The following ATP8A2 variants were observed in gnomAD, a reference collection of about 807,000 sequenced individuals.
The protein encoded by ATP8A2 is ATPase phospholipid transporting 8A2, also known as phospholipid-transporting ATPase IB.
ATP8A2 carries 100 observed loss-of-function variants against 165.6 expected under a neutral mutation model. The ratio of observed to expected loss-of-function variants is 0.60; its 90% CI spans 0.51 to 0.71. The LOEUF is 0.71. ATP8A2 is among the 30% of genes least tolerant of loss of function. ATP8A2 has a pLI of 0.00. For missense variants in ATP8A2, 1,227 were observed against 1,479.5 expected (o/e 0.83, Z 2.80); for synonymous variants, 543 against 548.8 (o/e 0.99, Z 0.15).
intron 33 of ATP8A2, among the ~76,000 whole-genome samples, chr13:25,941,243 G>A (rs1181775077): frequency 6.6e-6 from 1 of 152,082 alleles, no homozygotes; most frequent in African/African-American, 2.4e-5. Flanking sequence ...CTCCTCCTAT[G>A]CCTCCCAGAT....
At chr13:25,994,749 T>C (rs1047581407) in intron 35 of ATP8A2, among the ~76,000 whole-genome samples, 4 of 152,148 alleles carry the variant, frequency 2.6e-5, no homozygotes, top group African/African-American at 9.7e-5. Context: ...GTTGTGTAAT[T>C]CTTGTTATAT....
chr13:25,954,816 G>C (rs920384927), intron 33 of ATP8A2, among the ~76,000 whole-genome samples: 3 of 152,190 alleles, frequency 2.0e-5, no homozygotes, highest in African/African-American at 7.2e-5. Context: ...CAACAAAAAG[G>C]ATGTCCACTC....
chr13:25,376,249 T>G (rs2032621381), intron 1 of ATP8A2, among the ~76,000 whole-genome samples: 1 of 152,236 alleles, frequency 6.6e-6, no homozygotes, highest in African/African-American at 2.4e-5. Context: ...CAGAATACGC[T>G]CATTGATTCT....
chr13:25,797,033 T>G (rs375857470), intron 27 of ATP8A2, among the ~76,000 whole-genome samples: 1 of 152,158 alleles, frequency 6.6e-6, no homozygotes, highest in African/African-American at 2.4e-5. Flanking sequence ...TTTGGGAGGC[T>G]GAGGCGGGCA....
chr13:25,450,312 A>C (rs530738273), intron 1 of ATP8A2, among the ~76,000 whole-genome samples: 9 of 152,324 alleles, frequency 5.9e-5, no homozygotes, highest in African/African-American at 1.7e-4. Context: ...TAATAAAATG[A>C]TATAAATTCC....
intron 1 of ATP8A2, among the ~76,000 whole-genome samples, chr13:25,465,715 C>CTTT (rs553219083): frequency 2.4e-5 from 1 of 42,292 alleles, no homozygotes; most frequent in African/African-American, 9.2e-5. Flanking sequence ...TTCTTTCTTT[C>CTTT]TTTCTTTCTT....
At chr13:25,424,621 C>T (rs1289970260) in intron 1 of ATP8A2, among the ~76,000 whole-genome samples, 6 of 152,164 alleles carry the variant, frequency 3.9e-5, no homozygotes, top group East Asian at 1.9e-4. Context: ...TAAAACACTC[C>T]GCCAAACTTC....
Position 25,943,692 on chromosome 13 carries a change from C to T in ATP8A2, c.3184-17883C>T, listed in dbSNP as rs143748239. Among the ~76,000 whole-genome samples, 223 of 152,294 alleles carry T rather than the reference C, an allele frequency of 1.5e-3. 1 individual carries two copies. The highest frequency in any genetic ancestry group is 5.1e-3 in the African/African-American group (213 of 41,570). On this transcript the variant is annotated intron_variant, in intron 33 of 36. Coordinates refer to ENST00000381655, the MANE Select transcript of ATP8A2 (RefSeq NM_016529.6). ...GATCTCTGCCTGTATGATTTGAAAA[C>T]GAATGTTATTTTCGCTTCATAGATC...
At chr13:25,791,538 C>CAT (rs60333380) in intron 27 of ATP8A2, among the ~76,000 whole-genome samples, 18,204 of 124,380 alleles carry the variant, frequency 0.15, 1,189 homozygotes, top group Admixed American at 0.19. Flanking sequence ...AACACACACA[C>CAT]ACATACACAC....
At chr13:25,401,462 G>T (rs1169547970) in intron 1 of ATP8A2, among the ~76,000 whole-genome samples, 1 of 152,198 alleles carries the variant, frequency 6.6e-6, no homozygotes, top group African/African-American at 2.4e-5. Context: ...TCGGGCTGTG[G>T]TAAGAAGGCT....
intron 35 of ATP8A2, among the ~76,000 whole-genome samples, chr13:26,001,768 C>T (rs1956635103): frequency 2.0e-5 from 3 of 151,992 alleles, no homozygotes; most frequent in Non-Finnish European, 1.5e-5. Context: ...ATTCTGGATA[C>T]TAGACCTTTA....
chr13:25,793,697 G>A (rs1192874067), intron 27 of ATP8A2, among the ~76,000 whole-genome samples: 1 of 151,724 alleles, frequency 6.6e-6, no homozygotes, highest in East Asian at 1.9e-4. Flanking sequence ...ACTGTTGTTG[G>A]TAATAGCAAA....
intron 24 of ATP8A2, among the ~76,000 whole-genome samples, chr13:25,593,191 G>C (rs1419961332): frequency 6.6e-6 from 1 of 152,164 alleles, no homozygotes; most frequent in Non-Finnish European, 1.5e-5. Context: ...GGAGCTCCCA[G>C]GTTGAGAATT....
At chr13:25,813,381 A>G (rs200307087) in intron 27 of ATP8A2, among the ~76,000 whole-genome samples, 2 of 104,328 alleles carry the variant, frequency 1.9e-5, no homozygotes, top group Non-Finnish European at 3.9e-5. Context: ...CAGGATGATG[A>G]TATATGATAT....
chr13:25,385,916 A>AT (rs763105009), intron 1 of ATP8A2, among the ~76,000 whole-genome samples: 7,866 of 133,324 alleles, frequency 0.059, 305 homozygotes, highest in East Asian at 0.22. Flanking sequence ...TTGGGCTTAA[A>AT]TTTTTTTTTT....
chr13:25,901,299 C>T (rs968689027), intron 33 of ATP8A2, among the ~76,000 whole-genome samples: 4 of 150,622 alleles, frequency 2.7e-5, no homozygotes, highest in Non-Finnish European at 5.9e-5. Context: ...TTTGAAGAGG[C>T]GAAAAAAGGA....
intron 24 of ATP8A2, among the ~76,000 whole-genome samples, chr13:25,694,084 C>T (rs1335173227): frequency 6.6e-6 from 1 of 151,650 alleles, no homozygotes; most frequent in Non-Finnish European, 1.5e-5. Context: ...CCACATTGGC[C>T]AAGCTAGTCC....
chr13:25,520,604 T>G (rs1410705064), intron 2 of ATP8A2, among the ~76,000 whole-genome samples: 1 of 147,378 alleles, frequency 6.8e-6, no homozygotes, highest in Non-Finnish European at 1.5e-5. Context: ...TTTTTTTTTT[T>G]TGTTTTTTTT....
chr13:25,501,882 AGGGTGAGTTCAG>A (rs2036863087), intron 2 of ATP8A2, among the ~76,000 whole-genome samples: 1 of 152,178 alleles, frequency 6.6e-6, no homozygotes, highest in South Asian at 2.1e-4. Context: ...AGAAGAAAGG[AGGGTGAGTTCAG>A]GACACAGAAA....
Sources: allele counts gnomAD v4.1 joint callset (sites outside exome capture counted in the v4.1 genomes callset), GRCh38; gene constraint gnomAD v4.1.1; transcripts MANE v1.5; gene names NCBI Gene and HGNC (gene_info 2026-07-23, HGNC 2026-07-21).